NR5A2: variants seen among roughly 807,000 people sequenced by gnomAD.
The protein encoded by NR5A2 is CYP7A promoter-binding factor.
A neutral mutation model predicts 62.7 loss-of-function variants in NR5A2; 26 were observed. The ratio of observed to expected loss-of-function variants is 0.41; its 90% CI spans 0.30 to 0.58. The LOEUF (loss-of-function observed/expected upper bound fraction) is 0.58. Ranked by LOEUF, NR5A2 falls within the 20% of genes least tolerant of loss-of-function variation. NR5A2 has a pLI of 0.22. For missense variants in NR5A2, 541 were observed against 669.1 expected, an observed-to-expected ratio of 0.81 and a Z score of 2.11; for synonymous variants, 246 against 241.7, an observed-to-expected ratio of 1.02 and a Z score of -0.16.
At chr1:200,056,403 C>T (rs1311990806) in intron 5 of NR5A2, among the ~76,000 whole-genome samples, 1 of 152,148 alleles carries the variant, frequency 6.6e-6, no homozygotes, top group Non-Finnish European at 1.5e-5. Flanking sequence ...AAAATTTACT[C>T]TCCCTAAAAT....
chr1:200,067,281 G>C (rs1663527070), intron 5 of NR5A2, among the ~76,000 whole-genome samples: 1 of 152,194 alleles, frequency 6.6e-6, no homozygotes. Flanking sequence ...AGCTCGCTGA[G>C]CGCGGTGGCT....
chr1:200,041,232 C>A (rs1326816311), intron 2 of NR5A2, among the ~76,000 whole-genome samples: 1 of 136,306 alleles, frequency 7.3e-6, no homozygotes, highest in Non-Finnish European at 1.5e-5. Flanking sequence ...ATTTTGAGAG[C>A]GGAGAGAGAA....
chr1:200,070,769 A>C (rs1663706258), intron 5 of NR5A2, among the ~76,000 whole-genome samples: 1 of 142,112 alleles, frequency 7.0e-6, no homozygotes, highest in Admixed American at 6.9e-5. Flanking sequence ...CCCCCACCAA[A>C]TATATACACA....
rs1403001117 is a variant in NR5A2 at position 200,039,624 on chromosome 1, T to G, written c.65-34T>G. ...CATCCCGGTCGCCCCTTCCTTCTTT[T>G]CGCCGGAGTTGAATCTGTGCTGCCC... On this transcript the variant is annotated intron_variant, in intron 1 of 7. Transcript: ENST00000367362. The surrounding 1 kb of genome is among the most constrained non-coding windows in gnomAD (Gnocchi z 5.1). 1 of 1,607,038 alleles carries G rather than the reference T, an allele frequency of 6.2e-7. No homozygotes were observed. The highest frequency in any genetic ancestry group is 1.4e-5 in the African/African-American group (1 of 73,592).
chr1:200,064,075 G>T (rs1466086103), intron 5 of NR5A2, among the ~76,000 whole-genome samples: 1 of 152,042 alleles, frequency 6.6e-6, no homozygotes, highest in Non-Finnish European at 1.5e-5. Flanking sequence ...CTTGAACCTG[G>T]GAGGTGGAGG....
intron 6 of NR5A2, among the ~76,000 whole-genome samples, chr1:200,116,759 G>T (rs149934206): frequency 6.6e-6 from 1 of 152,074 alleles, no homozygotes; most frequent in African/African-American, 2.4e-5. Flanking sequence ...CTATATAGTC[G>T]CAACTTAGTT....
At chr1:200,079,193 A>C in intron 5 of NR5A2, among the ~76,000 whole-genome samples, 1 of 151,998 alleles carries the variant, frequency 6.6e-6, no homozygotes, top group East Asian at 1.9e-4. Flanking sequence ...TAACCTGCTC[A>C]CTCTATGGAG....
chr1:200,121,078 T>A (rs1401266434), intron 7 of NR5A2, 123 bp downstream of exon 7: 9 of 1,013,196 alleles, frequency 8.9e-6, no homozygotes, highest in African/African-American at 1.6e-5. Flanking sequence ...TGTCAAATTA[T>A]GAAATCTTCA....
intron 5 of NR5A2, among the ~76,000 whole-genome samples, chr1:200,055,017 T>C (rs1343302030): frequency 6.6e-6 from 1 of 151,452 alleles, no homozygotes; most frequent in East Asian, 1.9e-4. Flanking sequence ...CCACTTTAGC[T>C]TCCCAAATAG....
At chr1:200,032,108 A>G (rs534213836) in intron 1 of NR5A2, among the ~76,000 whole-genome samples, 25 of 152,318 alleles carry the variant, frequency 1.6e-4, no homozygotes, top group African/African-American at 6.0e-4. Context: ...CAGGCAAGAC[A>G]ACTTCACTCC....
intron 5 of NR5A2, among the ~76,000 whole-genome samples, chr1:200,072,598 G>A (rs1302886748): frequency 6.6e-6 from 1 of 152,030 alleles, no homozygotes; most frequent in East Asian, 1.9e-4. Flanking sequence ...CTATATATAG[G>A]CTCTCATGTA....
In NR5A2 at chr1:200,173,966, T is replaced by C. The variant is rs761198995; in HGVS notation, c.1382T>C (p.Val461Ala). 1.2e-5 allele frequency: 17 copies of C among 1,383,124 alleles called. No homozygotes were observed. The highest frequency in any genetic ancestry group is 1.6e-5 in the Non-Finnish European group (17 of 1,058,708). The allele number at this position is 1,383,124 out of a possible 1,614,324, so 85.7% of individuals were successfully genotyped here. Residue 461 changes from valine to alanine, a missense_variant, in exon 8 of 8, where the codon GTC becomes GCC. Val to Ala is a moderately conservative substitution (Grantham distance 64, BLOSUM62 0). Transcript: ENST00000367362. ...TTTTTTTTTTTTTTTAATGCAGATGTCAAAAACCTTGAAAACTTCCAGCTG... is the reference window on the plus strand; with the variant it reads ...TTTTTTTTTTTTTTTAATGCAGATGCCAAAAACCTTGAAAACTTCCAGCTG... ...LKFLVLFSLD[V>A]KNLENFQLVE...
chr1:200,104,373 A>T (rs1235962852), intron 5 of NR5A2, among the ~76,000 whole-genome samples: 1 of 152,182 alleles, frequency 6.6e-6, no homozygotes, highest in South Asian at 2.1e-4. Context: ...GCAGATAATC[A>T]TCAGTGTTCT....
At chr1:200,086,747 T>C (rs756803137) in intron 5 of NR5A2, among the ~76,000 whole-genome samples, 2 of 152,088 alleles carry the variant, frequency 1.3e-5, no homozygotes, top group African/African-American at 2.4e-5. Context: ...TGTGCTAAAA[T>C]TGGGGACAAG....
rs555422982 is a variant in NR5A2, at chr1:200,039,127, C to A, written c.65-531C>A. Among the ~76,000 whole-genome samples the A allele has an allele frequency of 1.3e-5, 2 of 152,072 alleles. No homozygotes were observed. The highest frequency in any genetic ancestry group is 2.4e-5 in the African/African-American group (1 of 41,488). On this transcript the variant is annotated intron_variant, in intron 1 of 7. Coordinates refer to ENST00000367362, the MANE Select transcript of NR5A2 (RefSeq NM_205860.3). This position sits in a 1 kb window ranked among gnomAD's most constrained non-coding sequence, Gnocchi z 5.1. ...TTGGAACTTCACAACTCCACACTTG[C>A]GATAGTGAGCAAGAGAGAGGCAGAG...
At chr1:200,075,911 A>G (rs543506551) in intron 5 of NR5A2, among the ~76,000 whole-genome samples, 1 of 87,528 alleles carries the variant, frequency 1.1e-5, no homozygotes, top group South Asian at 3.8e-4. Context: ...TTTTTTGTTA[A>G]GAAACAATAG....
At chr1:200,115,482 A>G (rs1571503468) in intron 6 of NR5A2, among the ~76,000 whole-genome samples, 1 of 152,204 alleles carries the variant, frequency 6.6e-6, no homozygotes, top group East Asian at 1.9e-4. Context: ...AGCATGCAAA[A>G]TTCCCCTAAA....
chr1:200,155,735 G>T, intron 7 of NR5A2, among the ~76,000 whole-genome samples: 1 of 150,506 alleles, frequency 6.6e-6, no homozygotes. Context: ...GTGCAATGGT[G>T]CGATCTTGGC....
rs117545414 is a variant in NR5A2 at position 200,139,963 on chromosome 1, G to A, written c.1378+19008G>A. Among the ~76,000 whole-genome samples, 98 of 152,278 alleles carry A rather than the reference G, an allele frequency of 6.4e-4. 1 individual carries two copies. In the East Asian group the frequency reaches 0.017, roughly 27 times the overall value. On this transcript the variant is annotated intron_variant, in intron 7 of 7. Coordinates refer to ENST00000367362, the MANE Select transcript of NR5A2 (RefSeq NM_205860.3). ...ATATTTTGTCATCTCGATTGTAATC[G>A]AGATTTATTTCACAATGGGTTTTAA...
Sources: gnomAD v4.1 joint callset for allele counts (sites outside exome capture counted in the v4.1 genomes callset) on GRCh38, gnomAD v4.1.1 for gene constraint, Gnocchi (gnomAD v3.1) non-coding constraint, MANE v1.5 for transcripts, NCBI Gene and HGNC (gene_info 2026-07-23, HGNC 2026-07-21) for gene names.